The following RNF152 variants were observed in gnomAD, a reference collection of about 807,000 sequenced individuals.
The protein encoded by RNF152 is ring finger protein 152.
A neutral mutation model predicts 12.7 loss-of-function variants in RNF152; 11 were observed. The ratio of observed to expected loss-of-function variants is 0.86; its 90% CI spans 0.54 to 1.43. RNF152 has a LOEUF of 1.43. Ranked by LOEUF, RNF152 falls within the 40% of genes most tolerant of loss-of-function variation. The pLI is 0.00. For missense variants in RNF152, 255 were observed against 274.8 expected, an observed-to-expected ratio of 0.93 and a Z score of 0.51; for synonymous variants, 113 against 120.3, an observed-to-expected ratio of 0.94 and a Z score of 0.40.
At chr18:61,868,988 TAACTAAAAAGC>T (rs1171360238) in intron 1 of RNF152, among the ~76,000 whole-genome samples, 1 of 152,084 alleles carries the variant, frequency 6.6e-6, no homozygotes, top group Non-Finnish European at 1.5e-5. Flanking sequence ...ATGATGAGAG[TAACTAAAAAGC>T]ATTCACCATT....
chr18:61,890,096 A>G (rs1307236574), intron 1 of RNF152, among the ~76,000 whole-genome samples: 1 of 152,206 alleles, frequency 6.6e-6, no homozygotes, highest in Non-Finnish European at 1.5e-5. Flanking sequence ...AGGACCATAT[A>G]TTAGTAAATT....
At chr18:61,882,081 A>G (rs940092204) in intron 1 of RNF152, among the ~76,000 whole-genome samples, 2 of 152,212 alleles carry the variant, frequency 1.3e-5, no homozygotes, top group Non-Finnish European at 2.9e-5. Flanking sequence ...AAACTTTTTG[A>G]GTGCAAACAT....
At position 61,815,516 on chromosome 18, in the gene RNF152, G is replaced by A. The variant is rs1237174947; in HGVS notation, c.*336C>T. On this transcript the variant is annotated 3_prime_UTR_variant, in exon 2 of 2. Coordinates refer to ENST00000312828, the MANE Select transcript of RNF152 (RefSeq NM_173557.3). Reference sequence around the variant, plus strand: ...GCATTTAGAGAAGGTCACATTGTACGCACTTGTACAGTTTAACGTCTAAGT... The same window carrying A: ...GCATTTAGAGAAGGTCACATTGTACACACTTGTACAGTTTAACGTCTAAGT... 4.7e-6 allele frequency: 1 copy of A among 214,780 alleles called. No homozygotes were observed. The highest frequency in any genetic ancestry group is 9.3e-6 in the Non-Finnish European group (1 of 107,856). 13.3% of individuals were successfully genotyped at this position (214,780 alleles called of 1,614,324 possible).
intron 1 of RNF152, among the ~76,000 whole-genome samples, chr18:61,834,804 A>G (rs1033711010): frequency 1.3e-5 from 2 of 152,220 alleles, no homozygotes; most frequent in Non-Finnish European, 2.9e-5. Context: ...ATGGTAAGTT[A>G]CTTAAAAGAA....
intron 1 of RNF152, among the ~76,000 whole-genome samples, chr18:61,863,984 T>C (rs1020141020): frequency 6.6e-6 from 1 of 152,202 alleles, no homozygotes; most frequent in Non-Finnish European, 1.5e-5. Context: ...CACCCAGTCA[T>C]TGGACATCAG....
At chr18:61,859,828 G>A (rs952475674) in intron 1 of RNF152, among the ~76,000 whole-genome samples, 6 of 151,878 alleles carry the variant, frequency 4.0e-5, no homozygotes, top group Middle Eastern at 3.4e-3. Context: ...GCAGTGAGCC[G>A]AGATTACACT....
At chr18:61,838,241 A>G (rs1373591985) in intron 1 of RNF152, among the ~76,000 whole-genome samples, 1 of 152,244 alleles carries the variant, frequency 6.6e-6, no homozygotes, top group Non-Finnish European at 1.5e-5. Flanking sequence ...CATCCAAAGC[A>G]CATACTAGGC....
At chr18:61,839,097 T>C (rs1599282469) in intron 1 of RNF152, among the ~76,000 whole-genome samples, 1 of 151,496 alleles carries the variant, frequency 6.6e-6, no homozygotes, top group Non-Finnish European at 1.5e-5. Flanking sequence ...CCTCCTTGAA[T>C]GATTTGATAG....
intron 1 of RNF152, among the ~76,000 whole-genome samples, chr18:61,850,267 G>C (rs1187519095): frequency 1.3e-5 from 2 of 152,192 alleles, no homozygotes; most frequent in African/African-American, 2.4e-5. Context: ...ACAGTTTCTG[G>C]CTGATAAAAT....
rs1022786704 is a variant in RNF152, at chr18:61,815,567, T to C, written c.*285A>G. Reference sequence around the variant, plus strand: ...AGAATATGTCTATCTTGTAACATGATTTTGAAAAATCATAAATTACAGTCC... The same window carrying C: ...AGAATATGTCTATCTTGTAACATGACTTTGAAAAATCATAAATTACAGTCC... On this transcript the variant is annotated 3_prime_UTR_variant, in exon 2 of 2. Coordinates refer to ENST00000312828, the MANE Select transcript of RNF152 (RefSeq NM_173557.3). The C allele has an allele frequency of 2.6e-6, 1 of 379,338 alleles. No individual in the cohort carries two copies. The highest frequency in any genetic ancestry group is 2.0e-5 in the African/African-American group (1 of 49,442). 23.5% of individuals were successfully genotyped at this position (379,338 alleles called of 1,614,324 possible).
intron 1 of RNF152, among the ~76,000 whole-genome samples, chr18:61,853,444 C>T (rs951785417): frequency 6.6e-6 from 1 of 152,104 alleles, no homozygotes. Context: ...CACATGCCAC[C>T]AGGCCCAGCT....
chr18:61,891,241 G>A (rs1912945841), intron 1 of RNF152, among the ~76,000 whole-genome samples: 2 of 152,116 alleles, frequency 1.3e-5, no homozygotes. Flanking sequence ...TGAGGGTGGG[G>A]AGCCTCCTTC....
intron 1 of RNF152, among the ~76,000 whole-genome samples, chr18:61,851,421 G>A (rs111590179): frequency 0.07 from 10,575 of 151,482 alleles, 1,242 homozygotes; most frequent in African/African-American, 0.24. Context: ...TTACCCAAGC[G>A]CCTGAGCTGC....
At chr18:61,841,389 T>C (rs1458866030) in intron 1 of RNF152, among the ~76,000 whole-genome samples, 1 of 152,222 alleles carries the variant, frequency 6.6e-6, no homozygotes, top group Non-Finnish European at 1.5e-5. Flanking sequence ...CCATTAATAA[T>C]AGTTACAAAA....
intron 1 of RNF152, among the ~76,000 whole-genome samples, chr18:61,868,200 T>G (rs946422082): frequency 7.2e-5 from 11 of 152,212 alleles, no homozygotes; most frequent in African/African-American, 9.6e-5. Context: ...GCTGTAGACT[T>G]ACAGCATATA....
intron 1 of RNF152, among the ~76,000 whole-genome samples, chr18:61,838,473 A>AT (rs1482735195): frequency 6.6e-6 from 1 of 152,178 alleles, no homozygotes; most frequent in Non-Finnish European, 1.5e-5. Context: ...TTTCATTAAC[A>AT]TTAGCAGAAA....
chr18:61,882,464 C>T lies in RNF152; in HGVS notation c.-136+10331G>A, dbSNP rs192695719. On this transcript the variant is annotated intron_variant, in intron 1 of 1. Coordinates refer to ENST00000312828, the MANE Select transcript of RNF152 (RefSeq NM_173557.3). ...ATGATGATTACATGGGAAAGAGGCA[C>T]GCAAGTGTCTGGCAATTGCCTTCAG... Among the ~76,000 whole-genome samples the T allele has an allele frequency of 2.4e-3, 371 of 152,302 alleles. 1 individual carries two copies. Among genetic ancestry groups the T allele is most frequent in the Admixed American group, 4.6e-3 (70 of 15,290 alleles).
At chr18:61,829,982 C>G (rs1163724445) in intron 1 of RNF152, among the ~76,000 whole-genome samples, 1 of 151,676 alleles carries the variant, frequency 6.6e-6, no homozygotes, top group African/African-American at 2.4e-5. Context: ...CTTTAAGTCA[C>G]CATCATGTGT....
chr18:61,847,330 C>T (rs1020758079), intron 1 of RNF152, among the ~76,000 whole-genome samples: 1 of 152,126 alleles, frequency 6.6e-6, no homozygotes, highest in Non-Finnish European at 1.5e-5. Context: ...CTTTTGTGGG[C>T]GACTTGAAAC....
Sources: gnomAD v4.1 joint callset for allele counts (sites outside exome capture counted in the v4.1 genomes callset) on GRCh38, gnomAD v4.1.1 for gene constraint, MANE v1.5 for transcripts, NCBI Gene and HGNC (gene_info 2026-07-23, HGNC 2026-07-21) for gene names.